ABCB7: variants seen among roughly 807,000 people sequenced by gnomAD.
ABCB7 encodes ATP binding cassette subfamily B member 7, also known as iron-sulfur clusters transporter ABCB7, mitochondrial.
Under a neutral mutation model 54.4 loss-of-function variants are expected in ABCB7, and 7 were observed. The observed-to-expected ratio is 0.13, with a 90% CI of 0.07 to 0.24. The LOEUF (loss-of-function observed/expected upper bound fraction) is 0.24, where lower values mean the gene tolerates loss of function less well. Ranked by LOEUF, ABCB7 falls within the 10% of genes least tolerant of loss-of-function variation. The pLI is 1.00. For synonymous variants in ABCB7, 218 were observed against 207.1 expected, an observed-to-expected ratio of 1.05 and a Z score of -0.45; for missense variants, 356 against 570.4, an observed-to-expected ratio of 0.62 and a Z score of 3.83.
At chrX:75,095,761 C>A (rs993140309) in intron 4 of ABCB7, among the ~76,000 whole-genome samples, 3 of 112,330 alleles carry the variant, frequency 2.7e-5, no homozygotes, top group Non-Finnish European at 5.6e-5. Flanking sequence ...AATCAGTTTA[C>A]ATGAGTTTAG....
chrX:75,117,347 A>G (rs2081830481), intron 1 of ABCB7, among the ~76,000 whole-genome samples: 1 of 111,145 alleles, frequency 9.0e-6, no homozygotes, highest in South Asian at 3.9e-4. Context: ...ACCCAAAGGA[A>G]AATCACCTGC....
chrX:75,151,872 A>C (rs372335162), intron 1 of ABCB7, among the ~76,000 whole-genome samples: 1 of 111,976 alleles, frequency 8.9e-6, no homozygotes, highest in Admixed American at 9.5e-5. Flanking sequence ...ATTATTTTTA[A>C]CATTTAGAAA....
rs532549078 is a variant in ABCB7, at chrX:75,144,943, G to T, written c.168+11162C>A. Among the ~76,000 whole-genome samples the T allele has an allele frequency of 3.6e-5, 4 of 110,358 alleles. No individual in the cohort carries two copies. In the East Asian group the frequency reaches 1.1e-3, roughly 31 times the overall value. On this transcript the variant is annotated intron_variant, in intron 1 of 15. Coordinates refer to ENST00000373394, the MANE Select transcript of ABCB7 (RefSeq NM_001271696.3). ...ATGCATTAAAGACTTTTTTATTCTG[G>T]GATGGGGTGCTGGCCATCTCAGATA...
intron 10 of ABCB7, among the ~76,000 whole-genome samples, chrX:75,069,860 T>TTTTATTTA (rs58703477): frequency 1.2e-3 from 133 of 110,225 alleles, no homozygotes; most frequent in African/African-American, 4.0e-3. Flanking sequence ...CATTGTAAGA[T>TTTTATTTA]TTTATTTATT....
chrX:75,099,127 A>C lies in ABCB7; in HGVS notation c.334-66T>G, dbSNP rs1205051016. 6.4e-6 allele frequency: 7 copies of C among 1,091,575 alleles called. No individual in the cohort carries two copies. The African/African-American group carries it at 1.3e-4, about 20-fold the overall frequency. 90.0% of individuals were successfully genotyped at this position (1,091,575 alleles called of 1,213,427 possible). The stretch of plus-strand genomic sequence containing the variant: ...TTTCAAACATAACCATAATTCAATA[A>C]CGTAGAATTTATATATTTGAGAAAT... On this transcript the variant is annotated intron_variant, in intron 3 of 15. Coordinates refer to ENST00000373394, the MANE Select transcript of ABCB7 (RefSeq NM_001271696.3).
chrX:75,059,715 T>C lies in ABCB7; in HGVS notation c.2043+508A>G, dbSNP rs760536509. On this transcript the variant is annotated intron_variant, in intron 15 of 15. Transcript: ENST00000373394. The stretch of plus-strand genomic sequence containing the variant: ...TCTAGACTTTTACAGTATACTCATA[T>C]AGTAATTCCCTTAGAAGAGATAAAG... Among the ~76,000 whole-genome samples the C allele has an allele frequency of 1.6e-4, 18 of 111,733 alleles. No homozygotes were observed. In the East Asian group the frequency reaches 3.4e-3, roughly 21 times the overall value.
At chrX:75,101,692 G>A (rs1020638241) in intron 3 of ABCB7, among the ~76,000 whole-genome samples, 1 of 111,542 alleles carries the variant, frequency 9.0e-6, no homozygotes, top group African/African-American at 3.3e-5. Flanking sequence ...CATTTCATGA[G>A]TTTTGTCTGT....
intron 4 of ABCB7, among the ~76,000 whole-genome samples, chrX:75,096,393 A>G (rs1405916253): frequency 8.9e-6 from 1 of 111,810 alleles, no homozygotes; most frequent in Non-Finnish European, 1.9e-5. Context: ...AGGAGACATG[A>G]AAATGGAGTC....
At chrX:75,078,368 T>C (rs944313677) in intron 4 of ABCB7, among the ~76,000 whole-genome samples, 6 of 111,900 alleles carry the variant, frequency 5.4e-5, no homozygotes, top group African/African-American at 2.0e-4. Context: ...TTTTATGATA[T>C]ATTTCTGATT....
At chrX:75,062,691 A>G in intron 13 of ABCB7, 1 of 327,000 alleles carries the variant, frequency 3.1e-6, no homozygotes, top group East Asian at 5.3e-5. Flanking sequence ...TAAGGTAACA[A>G]CTTTGATTCT....
intron 1 of ABCB7, among the ~76,000 whole-genome samples, chrX:75,148,570 T>C (rs1346307695): frequency 9.0e-6 from 1 of 111,308 alleles, no homozygotes; most frequent in African/African-American, 3.3e-5. Context: ...TGTGACTATA[T>C]TTGGAAACAG....
chrX:75,115,711 C>T (rs2081810488), intron 1 of ABCB7, among the ~76,000 whole-genome samples: 1 of 108,442 alleles, frequency 9.2e-6, no homozygotes, highest in Non-Finnish European at 1.9e-5. Context: ...AACTGAATGG[C>T]CCCCCTCCTG....
chrX:75,110,933 C>T (rs2081754511), intron 3 of ABCB7, among the ~76,000 whole-genome samples: 1 of 111,695 alleles, frequency 9.0e-6, no homozygotes, highest in South Asian at 3.8e-4. Context: ...TGATTGTTAG[C>T]TGTTAAGAAC....
chrX:75,152,596 A>G (rs1297896495), intron 1 of ABCB7, among the ~76,000 whole-genome samples: 1 of 112,107 alleles, frequency 8.9e-6, no homozygotes, highest in Non-Finnish European at 1.9e-5. Flanking sequence ...TCTTTGTATC[A>G]TAACCTAATG....
intron 1 of ABCB7, among the ~76,000 whole-genome samples, chrX:75,115,700 C>G (rs973562156): frequency 4.6e-5 from 5 of 108,225 alleles, no homozygotes; most frequent in Non-Finnish European, 7.6e-5. Context: ...GTCCCCCAAC[C>G]AACTGAATGG....
At chrX:75,055,864 T>G (rs2081235880) in intron 15 of ABCB7, among the ~76,000 whole-genome samples, 1 of 110,504 alleles carries the variant, frequency 9.0e-6, no homozygotes, top group African/African-American at 3.3e-5. Context: ...CTAAATTTTT[T>G]TTTTTTGAGA....
intron 4 of ABCB7, among the ~76,000 whole-genome samples, chrX:75,094,638 G>A (rs1329931436): frequency 1.8e-5 from 2 of 111,009 alleles, no homozygotes; most frequent in Non-Finnish European, 3.8e-5. Context: ...GCTTGAACCC[G>A]GGAGGCGGAG....
In ABCB7 at chrX:75,053,850, T is replaced by C. The variant is rs1168953122; in HGVS notation, c.2044-265A>G. Among the ~76,000 whole-genome samples the C allele has an allele frequency of 5.4e-5, 6 of 111,945 alleles. No individual in the cohort carries two copies. The East Asian group carries it at 1.7e-3, about 31-fold the overall frequency. On this transcript the variant is annotated intron_variant, in intron 15 of 15. Coordinates refer to ENST00000373394, the MANE Select transcript of ABCB7 (RefSeq NM_001271696.3). ...ATTTTATTTAAAGGAAATAAAATTGTAATGTTTCATTTGTCATTTTGAAGG... is the reference window on the plus strand; with the variant it reads ...ATTTTATTTAAAGGAAATAAAATTGCAATGTTTCATTTGTCATTTTGAAGG...
chrX:75,127,135 T>A (rs887842488), intron 1 of ABCB7, among the ~76,000 whole-genome samples: 3 of 111,539 alleles, frequency 2.7e-5, no homozygotes. Context: ...ATATCCCTGA[T>A]GAACAAGGAT....
Sources: allele counts gnomAD v4.1 joint callset (sites outside exome capture counted in the v4.1 genomes callset), GRCh38; gene constraint gnomAD v4.1.1; transcripts MANE v1.5; gene names NCBI Gene and HGNC (gene_info 2026-07-23, HGNC 2026-07-21).